Variants in RYR3 observed in about 807,000 individuals in gnomAD.
RYR3 encodes brain ryanodine receptor-calcium release channel.
In RYR3, 207 loss-of-function variants were observed where a neutral mutation model predicts 584.3. That is an observed-to-expected ratio of 0.35 (90% CI 0.32 to 0.40). RYR3 has a LOEUF of 0.40. Ranked by LOEUF, RYR3 falls within the 10% of genes least tolerant of loss-of-function variation. RYR3 has a pLI of 1.00. For synonymous variants in RYR3, 2,416 were observed against 2,248.5 expected (o/e 1.07, Z -2.11); for missense variants, 5,616 against 6,089.2 (o/e 0.92, Z 2.59).
chr15:33,712,509 C>T (rs1460546535), intron 43 of RYR3, among the ~76,000 whole-genome samples: 2 of 152,126 alleles, frequency 1.3e-5, no homozygotes, highest in Non-Finnish European at 2.9e-5. Flanking sequence ...ATTGATTTTT[C>T]TGTGTACAGT....
intron 82 of RYR3, chr15:33,825,883 C>A: frequency 1.9e-6 from 1 of 524,128 alleles, no homozygotes; most frequent in Non-Finnish European, 3.4e-6. Flanking sequence ...CAGGCTCCCA[C>A]CACCACAGCC....
chr15:33,326,491 C>G (rs907420059), intron 1 of RYR3, among the ~76,000 whole-genome samples: 2 of 152,182 alleles, frequency 1.3e-5, no homozygotes, highest in Non-Finnish European at 2.9e-5. Flanking sequence ...AAAAGTTATA[C>G]ATCCTAGAAG....
At chr15:33,743,090 G>C (rs2070326152) in intron 52 of RYR3, among the ~76,000 whole-genome samples, 1 of 152,170 alleles carries the variant, frequency 6.6e-6, no homozygotes, top group South Asian at 2.1e-4. Context: ...TTAAGGATTG[G>C]GGCCATTTCT....
intron 38 of RYR3, among the ~76,000 whole-genome samples, chr15:33,675,522 G>A (rs996210870): frequency 1.2e-4 from 19 of 152,162 alleles, no homozygotes; most frequent in African/African-American, 4.6e-4. Context: ...TATGAGCACA[G>A]GGCTCCGGAG....
At chr15:33,649,634 A>G (rs990784155) in intron 31 of RYR3, among the ~76,000 whole-genome samples, 2 of 152,232 alleles carry the variant, frequency 1.3e-5, no homozygotes, top group East Asian at 3.9e-4. Context: ...ACACTAACTG[A>G]TATACTCAGA....
At chr15:33,707,352 T>C (rs1332653317) in intron 43 of RYR3, among the ~76,000 whole-genome samples, 2 of 152,152 alleles carry the variant, frequency 1.3e-5, no homozygotes, top group Admixed American at 1.3e-4. Context: ...GGGGGCCTTA[T>C]GAATATCATC....
chr15:33,325,696 C>G (rs557060303), intron 1 of RYR3, among the ~76,000 whole-genome samples: 1 of 143,316 alleles, frequency 7.0e-6, no homozygotes, highest in Non-Finnish European at 1.5e-5. Context: ...CCCCCTTCCC[C>G]CTTCCCCTCT....
intron 1 of RYR3, among the ~76,000 whole-genome samples, chr15:33,344,119 A>G (rs952161112): frequency 2.6e-5 from 4 of 152,242 alleles, no homozygotes; most frequent in African/African-American, 9.6e-5. Flanking sequence ...AATGCAGAGT[A>G]ATGAGATGCA....
At chr15:33,794,039 AATAC>A (rs567434847) in intron 67 of RYR3, among the ~76,000 whole-genome samples, 1,820 of 33,298 alleles carry the variant, frequency 0.055, 50 homozygotes, top group Middle Eastern at 0.22. Context: ...TATATACATA[AATAC>A]ATATATATAA....
chr15:33,825,076 G>A (rs1247904901), intron 81 of RYR3, among the ~76,000 whole-genome samples: 1 of 152,156 alleles, frequency 6.6e-6, no homozygotes, highest in East Asian at 1.9e-4. Context: ...GCTTCCATAG[G>A]CTTTTGCATG....
chr15:33,800,248 T>A (rs2075850186), intron 67 of RYR3, among the ~76,000 whole-genome samples: 1 of 152,216 alleles, frequency 6.6e-6, no homozygotes, highest in Non-Finnish European at 1.5e-5. Flanking sequence ...TCTTACAAAT[T>A]TCATTGATAA....
At chr15:33,422,693 G>A (rs764214800) in intron 1 of RYR3, among the ~76,000 whole-genome samples, 4 of 152,096 alleles carry the variant, frequency 2.6e-5, no homozygotes, top group South Asian at 4.1e-4. Context: ...CTTCTGTATC[G>A]TGGGGCCATG....
rs750691972 is a variant in RYR3 at position 33,780,200 on chromosome 15, T to C, written c.9138-11T>C. 8 of 1,612,660 alleles carry C rather than the reference T, an allele frequency of 5.0e-6. No individual in the cohort carries two copies. In the Admixed American group the frequency reaches 1.2e-4, roughly 24 times the overall value. Reference sequence around the variant, plus strand: ...GGGGCCACACTTCTCAATGGACTTCTTTGTTTCCAGGCAACGCCCTGCCCT... The same window carrying C: ...GGGGCCACACTTCTCAATGGACTTCCTTGTTTCCAGGCAACGCCCTGCCCT... On this transcript the variant is annotated splice_polypyrimidine_tract_variant and intron_variant, in intron 64 of 103. Coordinates refer to ENST00000634891, the MANE Select transcript of RYR3 (RefSeq NM_001036.6).
chr15:33,558,709 G>A (rs944467068), intron 10 of RYR3, among the ~76,000 whole-genome samples: 1 of 152,172 alleles, frequency 6.6e-6, no homozygotes, highest in African/African-American at 2.4e-5. Flanking sequence ...CTGGCAGGGG[G>A]CAGCTAGTAT....
At chr15:33,613,799 G>A (rs2060315971) in intron 19 of RYR3, among the ~76,000 whole-genome samples, 1 of 151,904 alleles carries the variant, frequency 6.6e-6, no homozygotes, top group Non-Finnish European at 1.5e-5. Context: ...TTTTTTAATT[G>A]GTATTACACC....
At chr15:33,724,948 G>C (rs1379852783) in intron 45 of RYR3, among the ~76,000 whole-genome samples, 1 of 152,018 alleles carries the variant, frequency 6.6e-6, no homozygotes. Flanking sequence ...AAAACACTAA[G>C]GTGTTCTACA....
intron 38 of RYR3, among the ~76,000 whole-genome samples, chr15:33,687,564 T>C (rs1019083913): frequency 4.6e-5 from 7 of 152,170 alleles, no homozygotes; most frequent in African/African-American, 1.2e-4. Context: ...AAAAAACTAC[T>C]TTAAAGTTAA....
chr15:33,435,866 A>C (rs1370744444), intron 1 of RYR3, among the ~76,000 whole-genome samples: 1 of 152,244 alleles, frequency 6.6e-6, no homozygotes, highest in Non-Finnish European at 1.5e-5. Flanking sequence ...CGTGGCAAGG[A>C]ACCCAAGTGA....
chr15:33,510,365 C>T (rs1274557210), intron 3 of RYR3, among the ~76,000 whole-genome samples: 1 of 152,234 alleles, frequency 6.6e-6, no homozygotes, highest in African/African-American at 2.4e-5. Context: ...GGAAAAGTGT[C>T]ATCACGTCAC....
Sources: allele counts gnomAD v4.1 joint callset (sites outside exome capture counted in the v4.1 genomes callset), GRCh38; gene constraint gnomAD v4.1.1; transcripts MANE v1.5; gene names NCBI Gene and HGNC (gene_info 2026-07-23, HGNC 2026-07-21).